CD99L2: variants seen among roughly 807,000 people sequenced by gnomAD.
The protein encoded by CD99L2 is CD99 antigen-like protein 2.
A neutral mutation model predicts 27.3 loss-of-function variants in CD99L2; 24 were observed. The ratio of observed to expected loss-of-function variants is 0.88; its 90% CI spans 0.64 to 1.24. The LOEUF (loss-of-function observed/expected upper bound fraction) is 1.24. Among genes scored for constraint, CD99L2 ranks in the 50% most tolerant of loss-of-function variants. The pLI, the probability that CD99L2 is intolerant of heterozygous loss-of-function variation, is 0.00. For synonymous variants in CD99L2, 97 were observed against 87.9 expected, an observed-to-expected ratio of 1.10 and a Z score of -0.58; for missense variants, 255 against 221.6, an observed-to-expected ratio of 1.15 and a Z score of -0.96.
intron 4 of CD99L2, among the ~76,000 whole-genome samples, chrX:150,800,043 G>T (rs1320552648): frequency 8.9e-6 from 1 of 112,118 alleles, no homozygotes; most frequent in Non-Finnish European, 1.9e-5. Flanking sequence ...ATATTATTCA[G>T]GCTTAAAAGA....
chrX:150,834,705 T>G (rs1201336978), intron 1 of CD99L2, among the ~76,000 whole-genome samples: 1 of 111,859 alleles, frequency 8.9e-6, no homozygotes, highest in Non-Finnish European at 1.9e-5. Context: ...AATTATCATA[T>G]AATTCAGAAA....
rs578198373 is a variant in CD99L2, at chrX:150,844,987, C to T, written c.68-13694G>A. On this transcript the variant is annotated intron_variant, in intron 1 of 10. Coordinates refer to ENST00000370377, the MANE Select transcript of CD99L2 (RefSeq NM_031462.4). The stretch of plus-strand genomic sequence containing the variant: ...TACTTATTCCCGGGAAGTATCTAAG[C>T]GTCCGTATGTAGCAGGTTGCTTAAT... Among the ~76,000 whole-genome samples the T allele has an allele frequency of 5.2e-4, 58 of 112,251 alleles. No homozygotes were observed. The South Asian group carries it at 0.014, about 27-fold the overall frequency.
intron 9 of CD99L2, among the ~76,000 whole-genome samples, chrX:150,770,695 A>G (rs782595039): frequency 4.6e-4 from 52 of 113,051 alleles, no homozygotes; most frequent in Non-Finnish European, 7.5e-4. Context: ...GCCCGATGGC[A>G]GGGCTCAGCA....
chrX:150,875,144 T>C (rs146810355), intron 1 of CD99L2, among the ~76,000 whole-genome samples: 328 of 112,275 alleles, frequency 2.9e-3, no homozygotes, highest in African/African-American at 0.01. Context: ...CTGAGTGACA[T>C]GTAATTCCTA....
chrX:150,873,107 G>A (rs1209150651), intron 1 of CD99L2, among the ~76,000 whole-genome samples: 1 of 112,442 alleles, frequency 8.9e-6, no homozygotes, highest in African/African-American at 3.2e-5. Flanking sequence ...ATGAACAGGT[G>A]CCCAGCTCTC....
chrX:150,868,230 A>G (rs2047101685), intron 1 of CD99L2, among the ~76,000 whole-genome samples: 2 of 111,599 alleles, frequency 1.8e-5, no homozygotes, highest in Non-Finnish European at 3.8e-5. Flanking sequence ...CTGGCTATTT[A>G]AAACCATATA....
intron 1 of CD99L2, among the ~76,000 whole-genome samples, chrX:150,844,854 G>A (rs888735202): frequency 3.2e-5 from 2 of 62,860 alleles, no homozygotes; most frequent in African/African-American, 8.4e-5. Context: ...CAGGGCACCC[G>A]GTCACTGACA....
chrX:150,873,400 G>C (rs994129915), intron 1 of CD99L2, among the ~76,000 whole-genome samples: 4 of 111,802 alleles, frequency 3.6e-5, no homozygotes, highest in Admixed American at 9.5e-5. Context: ...TGGTTGCCCA[G>C]GGTTGTGAGG....
At chrX:150,827,298 A>T (rs1414455191) in intron 2 of CD99L2, among the ~76,000 whole-genome samples, 1 of 110,981 alleles carries the variant, frequency 9.0e-6, no homozygotes, top group Non-Finnish European at 1.9e-5. Flanking sequence ...TACGAGAAAC[A>T]TAAGCTAAGA....
At chrX:150,830,128 C>G (rs1448748478) in intron 2 of CD99L2, among the ~76,000 whole-genome samples, 1 of 109,250 alleles carries the variant, frequency 9.2e-6, no homozygotes, top group African/African-American at 3.3e-5. Flanking sequence ...ACACTCCAGC[C>G]TGGGTGACAG....
intron 4 of CD99L2, among the ~76,000 whole-genome samples, chrX:150,809,523 G>A (rs1258175355): frequency 8.9e-6 from 1 of 112,324 alleles, no homozygotes; most frequent in African/African-American, 3.2e-5. Flanking sequence ...TGAGACTGGT[G>A]GTGATATTAG....
intron 4 of CD99L2, among the ~76,000 whole-genome samples, chrX:150,811,812 A>G (rs1192940815): frequency 4.5e-5 from 5 of 112,004 alleles, no homozygotes; most frequent in Non-Finnish European, 9.4e-5. Context: ...AAAAAAACAT[A>G]GGAGAAAATC....
At chrX:150,771,666 G>T in intron 9 of CD99L2, 1 of 652,796 alleles carries the variant, frequency 1.5e-6, no homozygotes, top group South Asian at 2.6e-5. Context: ...AGCTAAAGAT[G>T]GTCCTGGTTA....
At chrX:150,855,544 G>A (rs1420777082) in intron 1 of CD99L2, among the ~76,000 whole-genome samples, 1 of 111,144 alleles carries the variant, frequency 9.0e-6, no homozygotes, top group Non-Finnish European at 1.9e-5. Flanking sequence ...ACTATCATGA[G>A]AACAATGAGG....
chrX:150,869,949 G>A (rs782138727), intron 1 of CD99L2, among the ~76,000 whole-genome samples: 64 of 111,213 alleles, frequency 5.8e-4, no homozygotes, highest in African/African-American at 2.1e-3. Flanking sequence ...CCCCACTGCT[G>A]GTGAGGCATT....
intron 1 of CD99L2, among the ~76,000 whole-genome samples, chrX:150,895,402 A>T (rs1453074388): frequency 1.8e-5 from 2 of 111,885 alleles, no homozygotes; most frequent in Non-Finnish European, 3.8e-5. Context: ...ACCGCCCTTT[A>T]AACTCCTGGG....
In CD99L2 at chrX:150,796,591, C is replaced by T. The variant is rs1468174181; in HGVS notation, c.278-1105G>A. On this transcript the variant is annotated intron_variant, in intron 4 of 10. Transcript: ENST00000370377. Reference sequence around the variant, plus strand: ...ACTCCACTCTCAGCAATTGGTAGAACTACTAGACAGAAAATCTACAAGGAT... The same window carrying T: ...ACTCCACTCTCAGCAATTGGTAGAATTACTAGACAGAAAATCTACAAGGAT... Among the ~76,000 whole-genome samples, 3 of 112,158 alleles carry T rather than the reference C, an allele frequency of 2.7e-5. No homozygotes were observed. The East Asian group carries it at 8.3e-4, about 31-fold the overall frequency.
intron 1 of CD99L2, among the ~76,000 whole-genome samples, chrX:150,890,652 T>C (rs1309183945): frequency 9.2e-6 from 1 of 108,474 alleles, no homozygotes; most frequent in African/African-American, 3.4e-5. Context: ...TGGACACAAT[T>C]AGCTGAAGCC....
intron 7 of CD99L2, among the ~76,000 whole-genome samples, chrX:150,777,994 T>C (rs1016829166): frequency 4.5e-5 from 5 of 111,993 alleles, no homozygotes; most frequent in South Asian, 3.7e-4. Context: ...ATCTGAAGTA[T>C]CACAGAAATG....
Sources: allele counts gnomAD v4.1 joint callset (sites outside exome capture counted in the v4.1 genomes callset), GRCh38; gene constraint gnomAD v4.1.1; transcripts MANE v1.5; gene names NCBI Gene and HGNC (gene_info 2026-07-23, HGNC 2026-07-21).